EVC2: variants seen among roughly 807,000 people sequenced by gnomAD.
EVC2 encodes the protein limbin.
In EVC2, 148 loss-of-function variants were observed where a neutral mutation model predicts 149.3. The observed-to-expected ratio is 0.99, with a 90% confidence interval of 0.87 to 1.14. The LOEUF (loss-of-function observed/expected upper bound fraction) is 1.14, where lower values mean the gene tolerates loss of function less well. Ranked by LOEUF, EVC2 falls within the 50% of genes most tolerant of loss-of-function variation. The pLI, the probability that EVC2 is intolerant of heterozygous loss-of-function variation, is 0.00. For synonymous variants in EVC2, 776 were observed against 649.9 expected, an observed-to-expected ratio of 1.19 and a Z score of -2.95; for missense variants, 1,854 against 1,627.3, an observed-to-expected ratio of 1.14 and a Z score of -2.40.
rs922643693 is a variant in EVC2, at chr4:5,677,889, C to A, written c.870+3371G>T. Among the ~76,000 whole-genome samples the A allele has an allele frequency of 6.6e-6, 1 of 152,218 alleles. No homozygotes were observed. The highest frequency in any genetic ancestry group is 2.4e-5 in the African/African-American group (1 of 41,462). ...CTCACTAAACTGAACACTCACCTAA[C>A]GCCAGCCTTGTACTTTCTCTTCGTC... On this transcript the variant is annotated intron_variant, in intron 7 of 21. Coordinates refer to ENST00000344408, the MANE Select transcript of EVC2 (RefSeq NM_147127.5). The surrounding 1 kb of genome is among the most constrained non-coding windows in gnomAD (Gnocchi z 4.3).
chr4:5,591,620 T>C lies in EVC2; in HGVS notation c.2830-6770A>G, dbSNP rs116613806. On this transcript the variant is annotated intron_variant, in intron 16 of 21. Transcript: ENST00000344408. The stretch of plus-strand genomic sequence containing the variant: ...GGTGAAGTGTAAAGCCTTTTGTATA[T>C]ACTGTATGAACAACATGGACAGTGA... 3.8e-3 allele frequency among the ~76,000 whole-genome samples: 577 copies of C among 152,292 alleles called. 3 individuals carry two copies. The highest frequency in any genetic ancestry group is 0.013 in the African/African-American group (545 of 41,564).
Position 5,622,695 on chromosome 4 carries a change from G to A in EVC2, c.2343C>T (p.Gly781=), listed in dbSNP as rs762082443. Residue 781 remains glycine (G), a synonymous_variant, in exon 14 of 22, where the codon GGC becomes GGT. Coordinates refer to ENST00000344408, the MANE Select transcript of EVC2 (RefSeq NM_147127.5). This position sits in a 1 kb window ranked among gnomAD's most constrained non-coding sequence, Gnocchi z 5.8. The part of the protein sequence containing the change: ...LFLQQILEEH[G]KEMAARAEQL... ...GCTCGGCCCGTGCAGCCATCTCCTT[G>A]CCGTGCTCCTCCAGGATCTGCTGCA... 7.2e-5 allele frequency: 117 copies of A among 1,613,932 alleles called. No individual in the cohort carries two copies. The highest frequency in any genetic ancestry group is 9.4e-5 in the Non-Finnish European group (111 of 1,180,016).
At position 5,568,595 on chromosome 4, in the gene EVC2, C is replaced by T. The variant is rs567949398; in HGVS notation, c.3406G>A (p.Gly1136Arg). The T allele has an allele frequency of 5.2e-5, 84 of 1,608,634 alleles. No individual in the cohort carries two copies. Among genetic ancestry groups the T allele is most frequent in the East Asian group, 3.6e-4 (16 of 44,836 alleles). ...CTCAGGAGCCGGCGAAGCGTGGCCC[C>T]GGGCACCATGGCCATCCTCGCCAGG... ...SYLARMAMVPGATLRRLLSVV... is the reference protein window; with the variant it reads ...SYLARMAMVPRATLRRLLSVV... Residue 1136 changes from glycine (G) to arginine (R), a missense_variant, in exon 20 of 22, where the codon GGG becomes AGG. Gly to Arg is a moderately radical substitution (Grantham distance 125). Coordinates refer to ENST00000344408, the MANE Select transcript of EVC2 (RefSeq NM_147127.5).
At chr4:5,561,040 T>G (rs1350638875), downstream of EVC2, among the ~76,000 whole-genome samples, 1 of 152,242 alleles carries the variant, frequency 6.6e-6, no homozygotes. Flanking sequence ...CTTGGGCACC[T>G]CCTGCTGTTG....
chr4:5,564,707 C>G (rs1722159934), intron 21 of EVC2, among the ~76,000 whole-genome samples: 1 of 152,208 alleles, frequency 6.6e-6, no homozygotes, highest in South Asian at 2.1e-4. Flanking sequence ...CAATTTGAGA[C>G]CACTCTGCCC....
intron 21 of EVC2, among the ~76,000 whole-genome samples, chr4:5,556,546 G>A (rs1355489048): frequency 2.0e-5 from 3 of 151,862 alleles, no homozygotes; most frequent in Non-Finnish European, 4.4e-5. Flanking sequence ...AGAAAAATGA[G>A]TAACTTAAGG....
At chr4:5,571,133 T>G (rs556021600) in intron 19 of EVC2, among the ~76,000 whole-genome samples, 11 of 151,766 alleles carry the variant, frequency 7.2e-5, no homozygotes, top group Non-Finnish European at 1.5e-4. Flanking sequence ...CTGGCCAACG[T>G]GGTGAAACCC....
At chr4:5,627,214 G>A (rs1205014424) in intron 12 of EVC2, among the ~76,000 whole-genome samples, 2 of 152,144 alleles carry the variant, frequency 1.3e-5, no homozygotes, top group Admixed American at 1.3e-4. Context: ...GTTCCTTGAA[G>A]GAAGGAACAG....
chr4:5,697,441 A>G (rs1721551573), intron 2 of EVC2, 152 bp downstream of exon 2: 1 of 756,632 alleles, frequency 1.3e-6, no homozygotes, highest in Non-Finnish European at 2.2e-6. Flanking sequence ...ACACTGCCCT[A>G]GTTCTGTAAG....
intron 4 of EVC2, among the ~76,000 whole-genome samples, chr4:5,690,018 C>T (rs544363984): frequency 8.5e-5 from 13 of 152,222 alleles, no homozygotes; most frequent in South Asian, 6.2e-4. Flanking sequence ...CTGAGATGAG[C>T]GAGCTCTGGA....
intron 21 of EVC2, among the ~76,000 whole-genome samples, chr4:5,550,396 A>G (rs1288296871): frequency 1.3e-5 from 2 of 152,188 alleles, no homozygotes; most frequent in Non-Finnish European, 2.9e-5. Flanking sequence ...GACTCTTGTT[A>G]TGTTTTAGCA....
chr4:5,576,430 G>T lies in EVC2; in HGVS notation c.3082C>A (p.Leu1028Met), dbSNP rs775899047. Residue 1028 changes from leucine to methionine, a missense_variant, in exon 18 of 22, where the codon CTG becomes ATG. Transcript: ENST00000344408. This position sits in a 1 kb window ranked among gnomAD's most constrained non-coding sequence, Gnocchi z 4.5. ...TCCTGCTGCACCAGCTGGTCCTCCAGCTTCCTCTCCAACTCCTGGAGCTCC... is the reference window on the plus strand; with the variant it reads ...TCCTGCTGCACCAGCTGGTCCTCCATCTTCCTCTCCAACTCCTGGAGCTCC... ...SRELQELERK[L>M]EDQLVQQEAA... 3.1e-6 allele frequency: 5 copies of T among 1,607,154 alleles called. No homozygotes were observed. Among genetic ancestry groups the T allele is most frequent in the African/African-American group, 1.3e-5 (1 of 74,738 alleles).
At chr4:5,708,072 G>A (rs1289938667) in intron 1 of EVC2, 1 of 432,296 alleles carries the variant, frequency 2.3e-6, no homozygotes, top group Non-Finnish European at 4.0e-6. Context: ...AGTCCAAGCC[G>A]GCAGCTGCCA....
intron 2 of EVC2, 90 bp from the exon 3 acceptor site, chr4:5,694,591 G>A (rs1205776578): frequency 1.4e-6 from 2 of 1,469,234 alleles, no homozygotes; most frequent in African/African-American, 2.8e-5. Context: ...CAGGGTACAT[G>A]GAAGGTACTT....
In EVC2 at chr4:5,608,379, G is replaced by C. The variant is rs1012584404; in HGVS notation, c.2829+7043C>G. 2.1e-4 allele frequency among the ~76,000 whole-genome samples: 32 copies of C among 152,270 alleles called. 1 individual carries two copies. The highest frequency in any genetic ancestry group is 2.4e-5 in the African/African-American group (1 of 41,558). ...TGCAGCTCCATCTTTCCAGCTTCAT[G>C]AACTCCAAGGGACCTCCCACTCTCA... On this transcript the variant is annotated intron_variant, in intron 16 of 21. Transcript: ENST00000344408.
chr4:5,683,700 G>A (rs1720500326), intron 6 of EVC2, among the ~76,000 whole-genome samples: 1 of 152,122 alleles, frequency 6.6e-6, no homozygotes, highest in South Asian at 2.1e-4. Context: ...CCACGAGGAA[G>A]GTCCTCCCAG....
Position 5,633,275 on chromosome 4 carries a change from T to A in EVC2, c.1471-1243A>T, listed in dbSNP as rs1716682427. ...CAGGACCCCAAGCTCCAGAGGAGAA[T>A]GCAGCTCAGCCAAGACCCTGATTGC... On this transcript the variant is annotated intron_variant, in intron 10 of 21. Coordinates refer to ENST00000344408, the MANE Select transcript of EVC2 (RefSeq NM_147127.5). The surrounding 1 kb of genome is among the most constrained non-coding windows in gnomAD (Gnocchi z 4.4). Among the ~76,000 whole-genome samples the A allele has an allele frequency of 6.6e-6, 1 of 152,172 alleles. No individual in the cohort carries two copies. Among genetic ancestry groups the A allele is most frequent in the South Asian group, 2.1e-4 (1 of 4,834 alleles).
At chr4:5,549,082 A>G (rs1238865643) in intron 21 of EVC2, among the ~76,000 whole-genome samples, 1 of 151,310 alleles carries the variant, frequency 6.6e-6, no homozygotes, top group Non-Finnish European at 1.5e-5. Flanking sequence ...ATTATTTACT[A>G]AAGCTTTCTC....
intron 15 of EVC2, among the ~76,000 whole-genome samples, chr4:5,617,666 G>T (rs576961151): frequency 6.6e-6 from 1 of 152,212 alleles, no homozygotes. Flanking sequence ...CAGGTGCTCA[G>T]GGAAGGCTTC....
Sources: allele counts gnomAD v4.1 joint callset (sites outside exome capture counted in the v4.1 genomes callset), GRCh38; gene constraint gnomAD v4.1.1; non-coding constraint Gnocchi (gnomAD v3.1); transcripts MANE v1.5; gene names NCBI Gene and HGNC (gene_info 2026-07-23, HGNC 2026-07-21).